PTPN13: variants seen among roughly 807,000 people sequenced by gnomAD.
The protein encoded by PTPN13 is protein tyrosine phosphatase non-receptor type 13.
PTPN13 carries 191 observed loss-of-function variants against 284.0 expected under a neutral mutation model. The ratio of observed to expected loss-of-function variants is 0.67; its 90% CI spans 0.60 to 0.76. PTPN13 has a LOEUF of 0.76. Among genes scored for constraint, PTPN13 ranks in the 30% least tolerant of loss-of-function variants. PTPN13 has a pLI of 0.00. For missense variants in PTPN13, 2,797 were observed against 2,939.9 expected (o/e 0.95, Z 1.12); for synonymous variants, 986 against 1,022.3 (o/e 0.96, Z 0.68).
At chr4:86,652,349 CA>C (rs951291017) in intron 2 of PTPN13, among the ~76,000 whole-genome samples, 2 of 152,146 alleles carry the variant, frequency 1.3e-5, no homozygotes, top group Non-Finnish European at 2.9e-5. Context: ...TACTTATTAT[CA>C]CTAGTGAATT....
intron 3 of PTPN13, among the ~76,000 whole-genome samples, chr4:86,680,240 G>A (rs1014425896): frequency 1.3e-5 from 2 of 152,118 alleles, no homozygotes; most frequent in African/African-American, 2.4e-5. Context: ...TTATATTCCA[G>A]TATGTTATAA....
At chr4:86,621,787 A>G (rs927067542) in intron 1 of PTPN13, among the ~76,000 whole-genome samples, 19 of 152,028 alleles carry the variant, frequency 1.2e-4, no homozygotes, top group African/African-American at 4.6e-4. Context: ...CATAAGAGAT[A>G]AAGTGAGGCT....
chr4:86,780,948 G>A (rs1417361633), intron 36 of PTPN13, among the ~76,000 whole-genome samples: 1 of 149,816 alleles, frequency 6.7e-6, no homozygotes, highest in Non-Finnish European at 1.5e-5. Context: ...GTGGTTATGT[G>A]GGACAAACGG....
chr4:86,731,441 C>G (rs892852050), intron 10 of PTPN13, among the ~76,000 whole-genome samples: 2 of 152,154 alleles, frequency 1.3e-5, no homozygotes, highest in African/African-American at 4.8e-5. Flanking sequence ...CTCATGGGTC[C>G]TTTATTTCCT....
At chr4:86,767,399 C>G (rs146647481) in intron 27 of PTPN13, among the ~76,000 whole-genome samples, 1 of 151,904 alleles carries the variant, frequency 6.6e-6, no homozygotes, top group African/African-American at 2.4e-5. Context: ...GTGCCCACCA[C>G]GACACCTGGC....
intron 16 of PTPN13, among the ~76,000 whole-genome samples, chr4:86,742,282 C>T (rs1033476817): frequency 2.0e-5 from 3 of 152,100 alleles, no homozygotes; most frequent in African/African-American, 7.2e-5. Flanking sequence ...CCAGGACTTT[C>T]CGCAATTTTA....
At chr4:86,672,131 G>A (rs541184070) in intron 2 of PTPN13, among the ~76,000 whole-genome samples, 3 of 152,288 alleles carry the variant, frequency 2.0e-5, no homozygotes, top group Non-Finnish European at 4.4e-5. Flanking sequence ...CTACCATCCA[G>A]ATTTTGAAAG....
intron 44 of PTPN13, among the ~76,000 whole-genome samples, 155 bp downstream of exon 44, chr4:86,805,524 G>A (rs571611867): frequency 3.3e-5 from 5 of 152,204 alleles, no homozygotes; most frequent in African/African-American, 4.8e-5. Flanking sequence ...GAAATATTCC[G>A]TGTAAATCCC....
At chr4:86,655,238 T>G (rs1725619886) in intron 2 of PTPN13, among the ~76,000 whole-genome samples, 1 of 152,224 alleles carries the variant, frequency 6.6e-6, no homozygotes, top group African/African-American at 2.4e-5. Flanking sequence ...TTAGCCCATT[T>G]ACATTTAAGG....
chr4:86,750,425 T>G (rs761961869), intron 17 of PTPN13, 45 bp from the exon 18 acceptor site: 1 of 1,479,986 alleles, frequency 6.8e-7, no homozygotes, highest in South Asian at 1.3e-5. Flanking sequence ...CTCATAAAAG[T>G]ACTGTGGCGT....
rs1232321683 is a variant in PTPN13 at position 86,803,355 on chromosome 4, C to A, written c.6506-354C>A. On this transcript the variant is annotated intron_variant, in intron 42 of 47. Coordinates refer to ENST00000411767, the MANE Select transcript of PTPN13 (RefSeq NM_080683.3). The stretch of plus-strand genomic sequence containing the variant: ...TCTGTTATCCCAGCACTTGGGGAAG[C>A]CAAGACAGGAGGATCACTTGAGGCC... Among the ~76,000 whole-genome samples, 10 of 151,898 alleles carry A rather than the reference C, an allele frequency of 6.6e-5. No homozygotes were observed. In the East Asian group the frequency reaches 1.7e-3, roughly 26 times the overall value.
At chr4:86,666,071 A>C (rs889087802) in intron 2 of PTPN13, among the ~76,000 whole-genome samples, 10 of 152,148 alleles carry the variant, frequency 6.6e-5, no homozygotes, top group African/African-American at 1.9e-4. Flanking sequence ...TAAATAAGGA[A>C]ATGCAGGCAC....
In PTPN13 at chr4:86,807,827, G is replaced by C. The variant is rs201992836; in HGVS notation, c.7013G>C (p.Arg2338Pro). The C allele has an allele frequency of 6.2e-7, 1 of 1,614,004 alleles. No homozygotes were observed. Among genetic ancestry groups the C allele is most frequent in the Admixed American group, 1.7e-5 (1 of 60,012 alleles). Reference protein sequence around the residue: ...GKTTMVSNRLRLALVRMQQLK... With the variant: ...GKTTMVSNRLPLALVRMQQLK... ...ACAACAATGGTCAGCAACAGACTTC[G>C]ACTGGCTCTTGTGAGAATGCAGCAG... Residue 2338 changes from arginine to proline, a missense_variant, in exon 45 of 48, where the codon CGA (arginine) becomes CCA (proline). Arg to Pro is a moderately radical substitution (Grantham distance 103, BLOSUM62 -2). Coordinates refer to ENST00000411767, the MANE Select transcript of PTPN13 (RefSeq NM_080683.3).
At chr4:86,717,266 G>A in intron 9 of PTPN13, 149 bp downstream of exon 9, 2 of 574,640 alleles carry the variant, frequency 3.5e-6, no homozygotes, top group South Asian at 4.7e-5. Flanking sequence ...TCGGCTCACT[G>A]CAACCTCCTT....
chr4:86,604,844 T>G (rs913015915), intron 1 of PTPN13, among the ~76,000 whole-genome samples: 4 of 152,006 alleles, frequency 2.6e-5, no homozygotes, highest in African/African-American at 9.7e-5. Flanking sequence ...ATAAAAGTGG[T>G]TGCTACCAAA....
chr4:86,789,428 A>G (rs1742360075), intron 40 of PTPN13, among the ~76,000 whole-genome samples: 1 of 152,064 alleles, frequency 6.6e-6, no homozygotes, highest in Non-Finnish European at 1.5e-5. Flanking sequence ...ATCACACAGA[A>G]CCCTGTGCTT....
At chr4:86,737,986 C>T (rs1735725617) in intron 15 of PTPN13, among the ~76,000 whole-genome samples, 1 of 152,154 alleles carries the variant, frequency 6.6e-6, no homozygotes, top group South Asian at 2.1e-4. Flanking sequence ...CCTTGGCCTC[C>T]CAAAGTGCTG....
In PTPN13 at chr4:86,811,028, T is replaced by C; in HGVS notation, c.7300-18T>C. On this transcript the variant is annotated intron_variant, in intron 46 of 47. Coordinates refer to ENST00000411767, the MANE Select transcript of PTPN13 (RefSeq NM_080683.3). ...AGTTATCCTTTGAATCTAACACATATGTGGTTTCCTCTGACAGTTTGACAT... is the reference window on the plus strand; with the variant it reads ...AGTTATCCTTTGAATCTAACACATACGTGGTTTCCTCTGACAGTTTGACAT... 5 of 1,607,826 alleles carry C rather than the reference T, an allele frequency of 3.1e-6. No individual in the cohort carries two copies. Among genetic ancestry groups the C allele is most frequent in the East Asian group, 2.2e-5 (1 of 44,830 alleles).
chr4:86,651,314 G>C (rs1306648293), intron 2 of PTPN13, among the ~76,000 whole-genome samples: 1 of 152,128 alleles, frequency 6.6e-6, no homozygotes, highest in Non-Finnish European at 1.5e-5. Context: ...AATTCAGATT[G>C]CTAGTATTTT....
Sources: gnomAD v4.1 joint callset for allele counts (sites outside exome capture counted in the v4.1 genomes callset) on GRCh38, gnomAD v4.1.1 for gene constraint, MANE v1.5 for transcripts, NCBI Gene and HGNC (gene_info 2026-07-23, HGNC 2026-07-21) for gene names.